The following SHISA6 variants were observed in gnomAD, a reference collection of about 807,000 sequenced individuals.
SHISA6 encodes the protein shisa family member 6, also known as protein shisa-6.
In SHISA6, 22 loss-of-function variants were observed where a neutral mutation model predicts 47.9. The ratio of observed to expected loss-of-function variants is 0.46; its 90% confidence interval spans 0.33 to 0.66. The LOEUF is 0.66. Ranked by LOEUF, SHISA6 falls within the 30% of genes least tolerant of loss-of-function variation. The pLI, the probability that SHISA6 is intolerant of heterozygous loss-of-function variation, is 0.02. For missense variants in SHISA6, 680 were observed against 764.6 expected (o/e 0.89, Z 1.30); for synonymous variants, 388 against 337.8 (o/e 1.15, Z -1.63).
intron 3 of SHISA6, among the ~76,000 whole-genome samples, chr17:11,494,500 G>C (rs1430856912): frequency 2.0e-5 from 3 of 152,216 alleles, no homozygotes; most frequent in African/African-American, 7.2e-5. Flanking sequence ...AGTGAACAGG[G>C]AGCCTCAGAA....
At chr17:11,383,575 A>G (rs75038798) in intron 3 of SHISA6, among the ~76,000 whole-genome samples, 5,364 of 151,720 alleles carry the variant, frequency 0.035, 173 homozygotes, top group Admixed American at 0.09. Context: ...TGATTGGCCA[A>G]CCCCCCAGGT....
chr17:11,511,280 T>C (rs1249802098), intron 3 of SHISA6, among the ~76,000 whole-genome samples: 1 of 151,872 alleles, frequency 6.6e-6, no homozygotes, highest in Non-Finnish European at 1.5e-5. Flanking sequence ...CACTGGGGCC[T>C]GTCAAGGGGT....
At chr17:11,348,720 G>A (rs1444100060) in intron 2 of SHISA6, among the ~76,000 whole-genome samples, 5 of 151,220 alleles carry the variant, frequency 3.3e-5, no homozygotes, top group Non-Finnish European at 4.4e-5. Context: ...AGTTCATTTG[G>A]GGCCTATATT....
chr17:11,387,353 GCT>G (rs958434921), intron 3 of SHISA6, among the ~76,000 whole-genome samples: 1 of 152,130 alleles, frequency 6.6e-6, no homozygotes, highest in African/African-American at 2.4e-5. Flanking sequence ...TGAGTTCAAG[GCT>G]GGAAAAGTGA....
At chr17:11,247,915 C>T (rs901814099) in intron 1 of SHISA6, among the ~76,000 whole-genome samples, 8 of 152,042 alleles carry the variant, frequency 5.3e-5, no homozygotes, top group Non-Finnish European at 8.8e-5. Context: ...GCTAGGACTA[C>T]AGGCGCCCGC....
intron 3 of SHISA6, among the ~76,000 whole-genome samples, chr17:11,402,141 TTGTTTAGCATG>T (rs1250248340): frequency 3.3e-5 from 5 of 152,168 alleles, no homozygotes; most frequent in Admixed American, 1.3e-4. Flanking sequence ...TCCTTGTCCA[TTGTTTAGCATG>T]GCCCCTAGCT....
At chr17:11,483,348 A>ATATTAT (rs1431509066) in intron 3 of SHISA6, among the ~76,000 whole-genome samples, 4 of 152,124 alleles carry the variant, frequency 2.6e-5, no homozygotes, top group Non-Finnish European at 5.9e-5. Flanking sequence ...AATAATAATA[A>ATATTAT]TACAGACATA....
chr17:11,285,021 C>T (rs1171636781), intron 2 of SHISA6, among the ~76,000 whole-genome samples: 1 of 152,202 alleles, frequency 6.6e-6, no homozygotes, highest in East Asian at 1.9e-4. Flanking sequence ...TAAACACGGG[C>T]CATCTTGCTA....
intron 1 of SHISA6, among the ~76,000 whole-genome samples, chr17:11,262,406 T>C (rs949565998): frequency 6.6e-5 from 10 of 152,210 alleles, no homozygotes; most frequent in Non-Finnish European, 1.2e-4. Flanking sequence ...AGTGACAGTA[T>C]CCAGGTGTAG....
chr17:11,300,704 T>C (rs1909896298), intron 2 of SHISA6, among the ~76,000 whole-genome samples: 1 of 149,372 alleles, frequency 6.7e-6, no homozygotes, highest in Non-Finnish European at 1.5e-5. Context: ...TGACTGTGGG[T>C]TTAAATATTA....
intron 3 of SHISA6, among the ~76,000 whole-genome samples, chr17:11,480,123 T>G (rs1289207206): frequency 6.6e-6 from 1 of 152,192 alleles, no homozygotes; most frequent in Non-Finnish European, 1.5e-5. Flanking sequence ...ACGCTCTTCT[T>G]GCTTGCATGG....
At chr17:11,519,868 T>A (rs1353812480) in intron 3 of SHISA6, among the ~76,000 whole-genome samples, 2 of 152,122 alleles carry the variant, frequency 1.3e-5, no homozygotes, top group Non-Finnish European at 1.5e-5. Flanking sequence ...CATTCAGCTG[T>A]CCTCCTGAGA....
rs182945969 is a variant in SHISA6, at chr17:11,531,095, A to G, written c.896-20801A>G. Among the ~76,000 whole-genome samples the G allele has an allele frequency of 5.9e-5, 9 of 152,222 alleles. No individual in the cohort carries two copies. In the East Asian group the frequency reaches 1.5e-3, roughly 26 times the overall value. ...GTCAACTGTGCAGTATTGATAAACA[A>G]AGAAACAGCTCAGATACCGTTAGTG... On this transcript the variant is annotated intron_variant, in intron 3 of 5. Coordinates refer to ENST00000441885, the MANE Select transcript of SHISA6 (RefSeq NM_207386.4).
At position 11,432,806 on chromosome 17, in the gene SHISA6, C is replaced by A. The variant is rs551439153; in HGVS notation, c.895+53297C>A. On this transcript the variant is annotated intron_variant, in intron 3 of 5. Coordinates refer to ENST00000441885, the MANE Select transcript of SHISA6 (RefSeq NM_207386.4). ...GCCAGTGTTGTATTAAAAAAAAAAA[C>A]CCACGTATTGTATGATTCCATTCAT... 8.4e-4 allele frequency among the ~76,000 whole-genome samples: 127 copies of A among 151,292 alleles called. 1 individual carries two copies. The highest frequency in any genetic ancestry group is 5.0e-3 in the South Asian group (24 of 4,764).
At chr17:11,517,311 T>C (rs761077348) in intron 3 of SHISA6, among the ~76,000 whole-genome samples, 19 of 152,136 alleles carry the variant, frequency 1.2e-4, no homozygotes, top group Non-Finnish European at 1.9e-4. Context: ...GGTAGGGGAA[T>C]AGTGAATTAT....
At chr17:11,394,821 T>G (rs1479132653) in intron 3 of SHISA6, among the ~76,000 whole-genome samples, 1 of 152,030 alleles carries the variant, frequency 6.6e-6, no homozygotes, top group Non-Finnish European at 1.5e-5. Context: ...TCTTTTTGCT[T>G]CTTTTAGTCT....
chr17:11,243,156 TTC>T (rs1567697254), intron 1 of SHISA6, among the ~76,000 whole-genome samples: 1 of 151,564 alleles, frequency 6.6e-6, no homozygotes, highest in Non-Finnish European at 1.5e-5. Flanking sequence ...CACTGACCCA[TTC>T]ACCTTGAGCT....
intron 2 of SHISA6, among the ~76,000 whole-genome samples, chr17:11,295,824 G>T (rs376673318): frequency 6.6e-6 from 1 of 151,980 alleles, no homozygotes; most frequent in Non-Finnish European, 1.5e-5. Flanking sequence ...TTAGCTGGGC[G>T]TGGTGGCGGG....
At position 11,247,838 on chromosome 17, in the gene SHISA6, A is replaced by C. The variant is rs2008093; in HGVS notation, c.638+5778A>C. ...GGCCCAAGCTGGAGTGCAGTGGCAC[A>C]ATGTCTGCTCACTGCAACTTCCGCC... On this transcript the variant is annotated intron_variant, in intron 1 of 5. Coordinates refer to ENST00000441885, the MANE Select transcript of SHISA6 (RefSeq NM_207386.4). Among the ~76,000 whole-genome samples the C allele has an allele frequency of 2.5e-4, 38 of 150,332 alleles. No homozygotes were observed. In the South Asian group the frequency reaches 7.9e-3, roughly 31 times the overall value.
Sources: gnomAD v4.1 joint callset for allele counts (sites outside exome capture counted in the v4.1 genomes callset) on GRCh38, gnomAD v4.1.1 for gene constraint, MANE v1.5 for transcripts, NCBI Gene and HGNC (gene_info 2026-07-23, HGNC 2026-07-21) for gene names.